Variants in PRDM16 observed in about 807,000 individuals in gnomAD.
PRDM16 encodes the protein histone-lysine N-methyltransferase PRDM16.
PRDM16 carries 23 observed loss-of-function variants against 110.6 expected under a neutral mutation model. The ratio of observed to expected loss-of-function variants is 0.21; its 90% CI spans 0.15 to 0.29. The LOEUF (loss-of-function observed/expected upper bound fraction) is 0.29, where lower values mean the gene tolerates loss of function less well. PRDM16 is among the 10% of genes least tolerant of loss of function. The pLI, the probability that PRDM16 is intolerant of heterozygous loss-of-function variation, is 1.00. For synonymous variants in PRDM16, 799 were observed against 781.8 expected (o/e 1.02, Z -0.37); for missense variants, 1,615 against 1,794.3 (o/e 0.90, Z 1.81).
chr1:3,431,930 A>T, intron 15 of PRDM16, 36 bp from the exon 16 acceptor site: 1 of 1,595,752 alleles, frequency 6.3e-7, no homozygotes, highest in Non-Finnish European at 8.6e-7. Context: ...CAGGCTGCTG[A>T]CAGCAGGCCT....
chr1:3,128,835 C>T (rs959680386), intron 1 of PRDM16, among the ~76,000 whole-genome samples: 8 of 152,244 alleles, frequency 5.3e-5, no homozygotes, highest in African/African-American at 1.7e-4. Context: ...CAGTGAGTGC[C>T]CTGCTGGGAG....
In PRDM16 at chr1:3,345,771, G is replaced by T. The variant is rs539889660; in HGVS notation, c.439-39381G>T. Reference sequence around the variant, plus strand: ...TCCAGGCCACCCCTCGGGTCCTCCCGTGCTGCCCCCTCTGTGGTCCAGGCC... The same window carrying T: ...TCCAGGCCACCCCTCGGGTCCTCCCTTGCTGCCCCCTCTGTGGTCCAGGCC... On this transcript the variant is annotated intron_variant, in intron 3 of 16. Transcript: ENST00000270722. 5.2e-3 allele frequency among the ~76,000 whole-genome samples: 395 copies of T among 75,378 alleles called. 2 individuals are homozygous for T. The highest frequency in any genetic ancestry group is 8.9e-3 in the Admixed American group (81 of 9,096). The allele number at this position is 75,378 out of a possible 152,430, so 49.5% of individuals were successfully genotyped here.
intron 3 of PRDM16, among the ~76,000 whole-genome samples, chr1:3,366,780 A>T (rs987400536): frequency 1.3e-5 from 2 of 151,996 alleles, no homozygotes; most frequent in African/African-American, 4.8e-5. Flanking sequence ...TATTTATTTT[A>T]TTTTTTTACT....
chr1:3,212,168 C>G (rs950650432), intron 2 of PRDM16, among the ~76,000 whole-genome samples: 31 of 152,280 alleles, frequency 2.0e-4, no homozygotes, highest in African/African-American at 7.2e-4. Context: ...TCACTGGGAG[C>G]CTGATATACT....
rs1054792657 is a variant in PRDM16, at chr1:3,399,372, C to T, written c.676+2779C>T. Among the ~76,000 whole-genome samples the T allele has an allele frequency of 2.6e-5, 4 of 152,168 alleles. No individual in the cohort carries two copies. In the East Asian group the frequency reaches 7.7e-4, roughly 29 times the overall value. On this transcript the variant is annotated intron_variant, in intron 5 of 16. Coordinates refer to ENST00000270722, the MANE Select transcript of PRDM16 (RefSeq NM_022114.4). ...TCTTTAAAGCAGAAGTTTCTTGTAC[C>T]GAGAAAGTGAAAATGCCATAAACTA... is the stretch of plus-strand genomic sequence containing the variant.
At chr1:3,200,971 G>C (rs1037683512) in intron 2 of PRDM16, among the ~76,000 whole-genome samples, 2 of 136,366 alleles carry the variant, frequency 1.5e-5, no homozygotes, top group Non-Finnish European at 3.1e-5. Flanking sequence ...GGGAGAAGAG[G>C]AGGAGGAAGA....
At chr1:3,405,798 C>A in intron 8 of PRDM16, 150 bp downstream of exon 8, 1 of 738,704 alleles carries the variant, frequency 1.4e-6, no homozygotes, top group South Asian at 2.3e-5. Flanking sequence ...GACATCTCTG[C>A]CGCGTGCAGC....
chr1:3,385,081 T>C, intron 3 of PRDM16, 71 bp from the exon 4 acceptor site: 4 of 1,577,938 alleles, frequency 2.5e-6, no homozygotes, highest in Non-Finnish European at 3.5e-6. Context: ...GGTTTCTGGG[T>C]GGGCAGAGGC....
chr1:3,085,649 G>A (rs1197803966), intron 1 of PRDM16, among the ~76,000 whole-genome samples: 1 of 152,196 alleles, frequency 6.6e-6, no homozygotes, highest in African/African-American at 2.4e-5. Flanking sequence ...ATCAAGAACG[G>A]GTGGTCCCTT....
At chr1:3,100,982 G>A (rs936499638) in intron 1 of PRDM16, among the ~76,000 whole-genome samples, 2 of 151,844 alleles carry the variant, frequency 1.3e-5, no homozygotes, top group Middle Eastern at 3.4e-3. Flanking sequence ...GGAGGAGGGG[G>A]CATTGGAGGG....
At position 3,145,291 on chromosome 1, in the gene PRDM16, C is replaced by T. The variant is rs79703575; in HGVS notation, c.38-40834C>T. Among the ~76,000 whole-genome samples, 577 of 152,340 alleles carry T rather than the reference C, an allele frequency of 3.8e-3. 4 individuals carry two copies. Among genetic ancestry groups the T allele is most frequent in the African/African-American group, 0.013 (553 of 41,572 alleles). The stretch of plus-strand genomic sequence containing the variant: ...TCAGTTCCTCAAAGCACCTGTCAGC[C>T]CGTAAACCATTGCCATGGGATACGG... On this transcript the variant is annotated intron_variant, in intron 1 of 16. Transcript: ENST00000270722.
At chr1:3,280,892 T>C (rs1202753915) in intron 3 of PRDM16, among the ~76,000 whole-genome samples, 3 of 152,160 alleles carry the variant, frequency 2.0e-5, no homozygotes, top group Non-Finnish European at 4.4e-5. Flanking sequence ...TCAGAAACAA[T>C]GCGGAGCCCC....
chr1:3,173,488 G>A (rs539534460), intron 1 of PRDM16, among the ~76,000 whole-genome samples: 4 of 152,366 alleles, frequency 2.6e-5, no homozygotes, highest in Admixed American at 6.5e-5. Flanking sequence ...TGAGCTGCCC[G>A]ACAGAGGCCT....
chr1:3,351,911 G>A (rs1642503285), intron 3 of PRDM16, among the ~76,000 whole-genome samples: 1 of 151,536 alleles, frequency 6.6e-6, no homozygotes, highest in African/African-American at 2.4e-5. Flanking sequence ...GCTGGGGGCG[G>A]GGAGGCACTG....
intron 3 of PRDM16, among the ~76,000 whole-genome samples, chr1:3,319,928 G>C (rs1025243834): frequency 6.6e-6 from 1 of 152,190 alleles, no homozygotes; most frequent in African/African-American, 2.4e-5. Flanking sequence ...TCCAGCCTCT[G>C]GGGCTCACAG....
At chr1:3,424,933 C>G (rs1037669099) in intron 12 of PRDM16, 6 of 152,390 alleles carry the variant, frequency 3.9e-5, no homozygotes, top group African/African-American at 1.4e-4. Context: ...GGCCCCGCGG[C>G]CTGGGGGCCA....
chr1:3,408,439 C>T (rs1402454164), intron 8 of PRDM16, among the ~76,000 whole-genome samples: 8 of 152,244 alleles, frequency 5.3e-5, no homozygotes, highest in African/African-American at 1.7e-4. Context: ...TCCCACTGGG[C>T]ACTTTGCAGA....
intron 5 of PRDM16, among the ~76,000 whole-genome samples, chr1:3,398,678 A>C (rs1039501440): frequency 6.6e-6 from 1 of 152,344 alleles, no homozygotes; most frequent in African/African-American, 2.4e-5. Context: ...CTGCTCTGCC[A>C]TGAAGATTGC....
rs984425776 is a variant in PRDM16 at position 3,194,303 on chromosome 1, C to T, written c.387+7829C>T. On this transcript the variant is annotated intron_variant, in intron 2 of 16. Transcript: ENST00000270722. Reference sequence around the variant, plus strand: ...TTCACTGGTACCTCCCTGTGCAGGGCGCTTCCTTCTGTCTCTCCCATGCCC... The same window carrying T: ...TTCACTGGTACCTCCCTGTGCAGGGTGCTTCCTTCTGTCTCTCCCATGCCC... Among the ~76,000 whole-genome samples the T allele has an allele frequency of 5.3e-5, 8 of 152,198 alleles. No homozygotes were observed. The East Asian group carries it at 5.8e-4, about 11-fold the overall frequency.
Sources: allele counts gnomAD v4.1 joint callset (sites outside exome capture counted in the v4.1 genomes callset), GRCh38; gene constraint gnomAD v4.1.1; transcripts MANE v1.5; gene names NCBI Gene and HGNC (gene_info 2026-07-23, HGNC 2026-07-21).